Variants in DGKI observed in about 807,000 individuals in gnomAD.
DGKI encodes DAG kinase iota.
A neutral mutation model predicts 147.5 loss-of-function variants in DGKI; 55 were observed. The ratio of observed to expected loss-of-function variants is 0.37; its 90% CI spans 0.30 to 0.47. DGKI has a LOEUF of 0.47. Ranked by LOEUF, DGKI falls within the 20% of genes least tolerant of loss-of-function variation. The probability of loss-of-function intolerance (pLI) is 1.00; values close to 1 mark genes in which losing one functional copy is unlikely to be tolerated. For missense variants in DGKI, 1,007 were observed against 1,323.8 expected (o/e 0.76, Z 3.71); for synonymous variants, 469 against 477.1 (o/e 0.98, Z 0.22).
chr7:137,643,382 G>A (rs185012421), intron 6 of DGKI, among the ~76,000 whole-genome samples: 2 of 151,748 alleles, frequency 1.3e-5, no homozygotes, highest in Admixed American at 1.3e-4. Context: ...CCAATGTTTG[G>A]AGTGAATTTT....
chr7:137,695,525 A>G (rs1256904594), intron 1 of DGKI, among the ~76,000 whole-genome samples: 1 of 152,052 alleles, frequency 6.6e-6, no homozygotes, highest in African/African-American at 2.4e-5. Context: ...TAAATTTCCC[A>G]TTTTTTTATA....
chr7:137,642,116 A>G lies in DGKI; in HGVS notation c.804+3356T>C, dbSNP rs1405327183. On this transcript the variant is annotated intron_variant, in intron 6 of 32. Coordinates refer to ENST00000614521, the MANE Select transcript of DGKI (RefSeq NM_001321708.2). ...AGGTTTGCATTAAACAATATGTGCT[A>G]GATCAATTCCATCTGCCTCTCAAGT... 2.6e-5 allele frequency among the ~76,000 whole-genome samples: 4 copies of G among 152,180 alleles called. No individual in the cohort carries two copies. The South Asian group carries it at 8.3e-4, about 32-fold the overall frequency.
intron 1 of DGKI, among the ~76,000 whole-genome samples, chr7:137,712,582 A>G (rs1272746582): frequency 6.6e-6 from 1 of 152,172 alleles, no homozygotes; most frequent in African/African-American, 2.4e-5. Context: ...TACACACTAC[A>G]TCTCTCCCAA....
rs1482642291 is a variant in DGKI at position 137,609,623 on chromosome 7, G to A, written c.994-14C>T. 5 of 1,606,800 alleles carry A rather than the reference G, an allele frequency of 3.1e-6. No homozygotes were observed. The highest frequency in any genetic ancestry group is 1.3e-5 in the African/African-American group (1 of 74,842). The stretch of plus-strand genomic sequence containing the variant: ...CTTCAGGGAGTTCTGTAGGGAGAGA[G>A]AGAAATGCCTGAGCTCAGAGGCAGC... On this transcript the variant is annotated splice_polypyrimidine_tract_variant and intron_variant, in intron 8 of 32. Coordinates refer to ENST00000614521, the MANE Select transcript of DGKI (RefSeq NM_001321708.2).
intron 9 of DGKI, 98 bp downstream of exon 9, chr7:137,609,437 A>G: frequency 1.2e-6 from 1 of 858,554 alleles, no homozygotes; most frequent in Non-Finnish European, 1.9e-6. Context: ...GTAGTAGAAG[A>G]TAGATCAGAA....
chr7:137,846,844 C>G lies in DGKI; in HGVS notation c.19G>C (p.Gly7Arg). The G allele has an allele frequency of 8.7e-7, 1 of 1,153,532 alleles. No individual in the cohort carries two copies. The highest frequency in any genetic ancestry group is 1.1e-6 in the Non-Finnish European group (1 of 937,106). 71.5% of individuals were successfully genotyped at this position (1,153,532 alleles called of 1,614,324 possible). The stretch of plus-strand genomic sequence containing the variant: ...GCTGGCAGGGGCAGCAAATGGCAGC[C>G]CCTTCCCGCAGCATCCATCCGCGGC... MDAAGRGCHLLPLPAAR... is the reference protein window; with the variant it reads MDAAGRRCHLLPLPAAR... Residue 7 changes from glycine (G) to arginine (R), a missense_variant, in exon 1 of 33, where the codon GGC (glycine) becomes CGC (arginine). Around this residue, in one of 5 missense-constraint regions of DGKI, gnomAD observed 137 missense variants for 114.4 expected, o/e 1.20. Transcript: ENST00000614521. This position sits in a 1 kb window ranked among gnomAD's most constrained non-coding sequence, Gnocchi z 4.0.
intron 1 of DGKI, among the ~76,000 whole-genome samples, chr7:137,778,243 T>A (rs900357646): frequency 6.6e-5 from 10 of 152,170 alleles, no homozygotes; most frequent in African/African-American, 2.4e-4. Flanking sequence ...AGAGGCATTT[T>A]AGTCAGGATC....
intron 10 of DGKI, among the ~76,000 whole-genome samples, chr7:137,605,820 G>A (rs1563108531): frequency 6.6e-6 from 1 of 152,142 alleles, no homozygotes; most frequent in Non-Finnish European, 1.5e-5. Flanking sequence ...GGGTGTGGTG[G>A]GTGTGGGGGA....
At chr7:137,767,753 G>A (rs2116835514) in intron 1 of DGKI, among the ~76,000 whole-genome samples, 1 of 152,268 alleles carries the variant, frequency 6.6e-6, no homozygotes, top group Admixed American at 6.5e-5. Context: ...ACATGACTTT[G>A]GAAAGTTAGT....
chr7:137,405,257 T>TC, intron 30 of DGKI, among the ~76,000 whole-genome samples: 1 of 152,130 alleles, frequency 6.6e-6, no homozygotes, highest in East Asian at 1.9e-4. Flanking sequence ...CATTTTTTTT[T>TC]CTTCAAGAGA....
chr7:137,584,881 T>C (rs958246524), intron 14 of DGKI, among the ~76,000 whole-genome samples: 2 of 152,194 alleles, frequency 1.3e-5, no homozygotes, highest in African/African-American at 4.8e-5. Flanking sequence ...CTTACAAATA[T>C]ACATATTTTT....
intron 6 of DGKI, among the ~76,000 whole-genome samples, chr7:137,631,758 A>C (rs987602578): frequency 1.3e-5 from 2 of 152,200 alleles, no homozygotes; most frequent in Admixed American, 1.3e-4. Flanking sequence ...CATGTTAAGT[A>C]AAGTAAAAAT....
At chr7:137,441,187 G>A (rs942478519) in intron 28 of DGKI, among the ~76,000 whole-genome samples, 54 of 152,158 alleles carry the variant, frequency 3.5e-4, no homozygotes, top group African/African-American at 1.2e-3. Flanking sequence ...TTGGGAGGCC[G>A]AGGTGGGCGA....
chr7:137,471,347 T>C lies in DGKI; in HGVS notation c.2374-1728A>G, dbSNP rs190927816. Among the ~76,000 whole-genome samples the C allele has an allele frequency of 7.8e-4, 119 of 152,260 alleles. 1 individual carries two copies. The highest frequency in any genetic ancestry group is 7.7e-3 in the Admixed American group (117 of 15,284). On this transcript the variant is annotated intron_variant, in intron 23 of 32. Coordinates refer to ENST00000614521, the MANE Select transcript of DGKI (RefSeq NM_001321708.2). The stretch of plus-strand genomic sequence containing the variant: ...CAGCTGAAGCCGCAGGTGTGGATGA[T>C]CTTGTGTGTACAGAGGGGACAGGAG...
chr7:137,402,666 CCT>C (rs1347646153), intron 30 of DGKI, among the ~76,000 whole-genome samples: 1 of 152,178 alleles, frequency 6.6e-6, no homozygotes, highest in Admixed American at 6.5e-5. Flanking sequence ...CTTCCCATGG[CCT>C]CTCTCTGGGC....
rs561182230 is a variant in DGKI, at chr7:137,743,784, C to T, written c.402-53782G>A. ...GGATCATGAGGTCAGGAGATCAAGA[C>T]CATCCTGGCTAACACAGTGAAACCC... On this transcript the variant is annotated intron_variant, in intron 1 of 32. Transcript: ENST00000614521. Among the ~76,000 whole-genome samples the T allele has an allele frequency of 4.8e-4, 73 of 152,062 alleles. 1 individual carries two copies. Among genetic ancestry groups the T allele is most frequent in the African/African-American group, 1.7e-3 (69 of 41,472 alleles).
intron 6 of DGKI, among the ~76,000 whole-genome samples, chr7:137,635,661 T>C (rs1821284725): frequency 6.6e-6 from 1 of 152,162 alleles, no homozygotes; most frequent in Non-Finnish European, 1.5e-5. Flanking sequence ...GACAGAGAGA[T>C]GGAATAATCT....
intron 23 of DGKI, among the ~76,000 whole-genome samples, chr7:137,471,865 T>A (rs1216294626): frequency 3.4e-5 from 5 of 147,276 alleles, no homozygotes; most frequent in African/African-American, 1.2e-4. Context: ...AGATACTATA[T>A]AATATATACA....
chr7:137,735,598 G>T (rs1795000864), intron 1 of DGKI, among the ~76,000 whole-genome samples: 1 of 152,014 alleles, frequency 6.6e-6, no homozygotes. Flanking sequence ...TACCATCTTA[G>T]ATTTTGAAAT....
Sources: gnomAD v4.1 joint callset for allele counts (sites outside exome capture counted in the v4.1 genomes callset) on GRCh38, gnomAD v4.1.1 for gene constraint, gnomAD v4.1.1 regional missense constraint, Gnocchi (gnomAD v3.1) non-coding constraint, MANE v1.5 for transcripts, NCBI Gene and HGNC (gene_info 2026-07-23, HGNC 2026-07-21) for gene names.